Variants in PPP1R3E observed in about 807,000 individuals in gnomAD.
The protein encoded by PPP1R3E is protein phosphatase 1, regulatory (inhibitor) subunit 3E.
A neutral mutation model predicts 18.5 loss-of-function variants in PPP1R3E; 20 were observed. That is an observed-to-expected ratio of 1.08 (90% CI 0.76 to 1.58). The LOEUF (loss-of-function observed/expected upper bound fraction) is 1.58. Among genes scored for constraint, PPP1R3E ranks in the 40% most tolerant of loss-of-function variants. The probability of loss-of-function intolerance (pLI) is 0.00; values close to 1 mark genes in which losing one functional copy is unlikely to be tolerated. For synonymous variants in PPP1R3E, 208 were observed against 208.1 expected, an observed-to-expected ratio of 1.00 and a Z score of 0.00; for missense variants, 498 against 460.2, an observed-to-expected ratio of 1.08 and a Z score of -0.75.
Position 23,297,041 on chromosome 14 carries a change from G to C in PPP1R3E, c.*2263C>G, listed in dbSNP as rs1005798087. ...AGGAAGACACCTGCAGTCTGGATGA[G>C]AGGAATGGGCAACAGTGTCCCTGCT... On this transcript the variant is annotated 3_prime_UTR_variant, in exon 5 of 5. Transcript: ENST00000452015. 3.3e-5 allele frequency: 5 copies of C among 152,350 alleles called. No individual in the cohort carries two copies. The South Asian group carries it at 6.2e-4, about 19-fold the overall frequency. The allele number at this position is 152,350 out of a possible 1,614,324, so 9.4% of individuals were successfully genotyped here.
rs1391177465 is a variant in PPP1R3E, at chr14:23,300,793, AGCC to A, written c.*207_*209del. ...TCCCCAGCCAGTCCGCGGACACCGC[AGCC>A]AGGAACTGTCAGAGGTGACAAGGGA... On this transcript the variant is annotated 3_prime_UTR_variant, in exon 3 of 5. Transcript: ENST00000452015. 1 of 152,284 alleles carries A rather than the reference AGCC, an allele frequency of 6.6e-6. No homozygotes were observed. Among genetic ancestry groups the A allele is most frequent in the Non-Finnish European group, 1.5e-5 (1 of 68,078 alleles). 9.4% of individuals were successfully genotyped at this position (152,284 alleles called of 1,614,324 possible).
chr14:23,302,091 C>T (rs553772942), intron 1 of PPP1R3E, 69 bp downstream of exon 1: 3 of 1,364,712 alleles, frequency 2.2e-6, no homozygotes, highest in South Asian at 1.6e-5. Context: ...TTTGGCAAAT[C>T]CACTCCCACA....
In PPP1R3E at chr14:23,301,622, G is replaced by T; in HGVS notation, c.654C>A (p.Ala218=). The change falls in exon 2 of 5, where the codon GCC becomes GCA. Residue 218 remains alanine, a synonymous_variant. Coordinates refer to ENST00000452015, the MANE Select transcript of PPP1R3E (RefSeq NM_001276318.2). ...YAGPAPPPPR[A]DRFAFRLPAP... ...CGGGCAGGCGGAAGGCGAAGCGGTCGGCGCGCGGCGGGGGCGGGGCCGGAC... is the reference window on the plus strand; with the variant it reads ...CGGGCAGGCGGAAGGCGAAGCGGTCTGCGCGCGGCGGGGGCGGGGCCGGAC... 2 of 1,399,774 alleles carry T rather than the reference G, an allele frequency of 1.4e-6. No homozygotes were observed. The highest frequency in any genetic ancestry group is 1.9e-6 in the Non-Finnish European group (2 of 1,077,926). 86.7% of individuals were successfully genotyped at this position (1,399,774 alleles called of 1,614,324 possible).
Position 23,302,544 on chromosome 14 carries a change from A to C in PPP1R3E, c.33T>G (p.Ile11Met). 4 of 1,487,766 alleles carry C rather than the reference A, an allele frequency of 2.7e-6. No homozygotes were observed. The highest frequency in any genetic ancestry group is 3.5e-6 in the Non-Finnish European group (4 of 1,127,488). 92.2% of individuals were successfully genotyped at this position (1,487,766 alleles called of 1,614,324 possible). A position where few individuals can be genotyped will look rare whatever the true frequency, so the allele number is the denominator to read the frequency against. MSRERPPGTDIPRNLSFIAAL... is the reference protein window; with the variant it reads MSRERPPGTDMPRNLSFIAAL... ...CGGCGATGAAGCTCAGGTTGCGGGG[A>C]ATGTCGGTGCCCGGGGGCCGCTCAC... is the stretch of plus-strand genomic sequence containing the variant. Residue 11 changes from isoleucine (I) to methionine (M), a missense_variant, in exon 1 of 5, where the codon ATT becomes ATG. Ile to Met is a conservative substitution (Grantham distance 10, BLOSUM62 1). Coordinates refer to ENST00000452015, the MANE Select transcript of PPP1R3E (RefSeq NM_001276318.2).
rs1887081172 is a variant in PPP1R3E at position 23,302,658 on chromosome 14, C to A, written c.-82G>T. ...CTCTCTCCCGCCCGCCCCGCGTCAG[C>A]GCAGAAGTCGCTGGGTCCGCTTCTG... On this transcript the variant is annotated 5_prime_UTR_variant, in exon 1 of 5. Coordinates refer to ENST00000452015, the MANE Select transcript of PPP1R3E (RefSeq NM_001276318.2). 4 of 1,343,822 alleles carry A rather than the reference C, an allele frequency of 3.0e-6. No homozygotes were observed. In the East Asian group the frequency reaches 1.2e-4, roughly 41 times the overall value. 83.2% of individuals were successfully genotyped at this position (1,343,822 alleles called of 1,614,324 possible).
In PPP1R3E at chr14:23,302,413, G is replaced by T; in HGVS notation, c.164C>A (p.Ala55Asp). 6.7e-7 allele frequency: 1 copy of T among 1,494,184 alleles called. No individual in the cohort carries two copies. The highest frequency in any genetic ancestry group is 8.8e-7 in the Non-Finnish European group (1 of 1,131,982). The allele number at this position is 1,494,184 out of a possible 1,614,324, so 92.6% of individuals were successfully genotyped here. The change falls in exon 1 of 5, where the codon GCT becomes GAT. Residue 55 changes from alanine to aspartate, a missense_variant. By Grantham distance (126) the Ala-to-Asp change is moderately radical (BLOSUM62 -2). Transcript: ENST00000452015. ...CCGGCGGCCCCGACTCGGTGCGTGAGCGCGGGATCGGGCCCCGAACCGCGT... is the reference window on the plus strand; with the variant it reads ...CCGGCGGCCCCGACTCGGTGCGTGATCGCGGGATCGGGCCCCGAACCGCGT... Reference protein sequence around the residue: ...GGTRFGARSRAHAPSRGRRAR... With the variant: ...GGTRFGARSRDHAPSRGRRAR...
chr14:23,299,723 A>G (rs573558906), intron 3 of PPP1R3E, 182 bp from the exon 4 acceptor site: 1 of 152,186 alleles, frequency 6.6e-6, no homozygotes, highest in South Asian at 2.1e-4. Context: ...GGTTAGGAAT[A>G]GGGTAAGAGA....
rs1056900614 is a variant in PPP1R3E, at chr14:23,296,988, G to C, written c.*2316C>G. 3.9e-5 allele frequency: 6 copies of C among 152,216 alleles called. No individual in the cohort carries two copies. The highest frequency in any genetic ancestry group is 3.9e-4 in the Admixed American group (6 of 15,286). The allele number at this position is 152,216 out of a possible 1,614,324, so 9.4% of individuals were successfully genotyped here. On this transcript the variant is annotated 3_prime_UTR_variant, in exon 5 of 5. Coordinates refer to ENST00000452015, the MANE Select transcript of PPP1R3E (RefSeq NM_001276318.2). Reference sequence around the variant, plus strand: ...AAGAAAAACAAACAAACAAAAAACAGGACGGAGGCTATGGGACAGGGAGGT... The same window carrying C: ...AAGAAAAACAAACAAACAAAAAACACGACGGAGGCTATGGGACAGGGAGGT...
Position 23,301,858 on chromosome 14 carries a change from C to A in PPP1R3E, c.418G>T (p.Glu140Ter). Residue 140 changes from glutamate (E) to a stop codon, truncating the protein, a stop_gained and splice_region_variant, in exon 2 of 5, where the codon GAG becomes TAG. Coordinates refer to ENST00000452015, the MANE Select transcript of PPP1R3E (RefSeq NM_001276318.2). LOFTEE classifies it high-confidence loss of function. ...GCCGGCTCCAGGGCGGCGCGCGCCT[C>A]CTGGGGGAAAGAAGAAGCGGGAGGA... ...PCQPRARGLQ[E>*]ARAALEPASE... The A allele has an allele frequency of 7.0e-7, 1 of 1,429,946 alleles. No individual in the cohort carries two copies. The highest frequency in any genetic ancestry group is 1.5e-5 in the African/African-American group (1 of 66,244). 88.6% of individuals were successfully genotyped at this position (1,429,946 alleles called of 1,614,324 possible).
chr14:23,299,825 T>C (rs1188318164), intron 3 of PPP1R3E, among the ~76,000 whole-genome samples: 1 of 151,852 alleles, frequency 6.6e-6, no homozygotes, highest in Non-Finnish European at 1.5e-5. Flanking sequence ...TGAGTGGGTA[T>C]GAGAGTCCAG....
chr14:23,302,549 C>T lies in PPP1R3E; in HGVS notation c.28G>A (p.Asp10Asn), dbSNP rs986340562. Residue 10 changes from aspartate (D) to asparagine (N), a missense_variant, in exon 1 of 5, where the codon GAC becomes AAC. Physicochemically the swap from Asp to Asn is conservative, Grantham distance 23 (BLOSUM62 1). Transcript: ENST00000452015. Reference sequence around the variant, plus strand: ...ATGAAGCTCAGGTTGCGGGGAATGTCGGTGCCCGGGGGCCGCTCACGGGAC... The same window carrying T: ...ATGAAGCTCAGGTTGCGGGGAATGTTGGTGCCCGGGGGCCGCTCACGGGAC... MSRERPPGT[D>N]IPRNLSFIAA... is the part of the protein sequence containing the mutation. 23 of 1,484,606 alleles carry T rather than the reference C, an allele frequency of 1.5e-5. No individual in the cohort carries two copies. In the African/African-American group the frequency reaches 2.2e-4, roughly 14 times the overall value. The allele number at this position is 1,484,606 out of a possible 1,614,324, so 92.0% of individuals were successfully genotyped here.
At chr14:23,299,931 T>TTG (rs1555325097) in intron 3 of PPP1R3E, among the ~76,000 whole-genome samples, 82 of 107,786 alleles carry the variant, frequency 7.6e-4, no homozygotes, top group East Asian at 2.7e-3. Flanking sequence ...GTTTTTGTTT[T>TTG]TTTTTTTTTT....
chr14:23,302,567 C>T lies in PPP1R3E; in HGVS notation c.10G>A (p.Glu4Lys). 2 of 1,473,522 alleles carry T rather than the reference C, an allele frequency of 1.4e-6. No individual in the cohort carries two copies. Among genetic ancestry groups the T allele is most frequent in the Non-Finnish European group, 8.9e-7 (1 of 1,120,926 alleles). The allele number at this position is 1,473,522 out of a possible 1,614,324, so 91.3% of individuals were successfully genotyped here. A position where few individuals can be genotyped will look rare whatever the true frequency, so the allele number is the denominator to read the frequency against. ...GGAATGTCGGTGCCCGGGGGCCGCT[C>T]ACGGGACATGGCAGCCCCTTCCCCG... The part of the protein sequence containing the change: MSR[E>K]RPPGTDIPRN... Residue 4 changes from glutamate (E) to lysine (K), a missense_variant, in exon 1 of 5, where the codon GAG becomes AAG. Coordinates refer to ENST00000452015, the MANE Select transcript of PPP1R3E (RefSeq NM_001276318.2).
chr14:23,302,614 A>G lies in PPP1R3E; in HGVS notation c.-38T>C. 1 of 1,399,744 alleles carries G rather than the reference A, an allele frequency of 7.1e-7. No individual in the cohort carries two copies. Among genetic ancestry groups the G allele is most frequent in the South Asian group, 1.6e-5 (1 of 63,722 alleles). The allele number at this position is 1,399,744 out of a possible 1,614,324, so 86.7% of individuals were successfully genotyped here. ...CCCGGCGGGGCCAGCTCGCAGCGCC[A>G]CCGCGCTCCCCTCTCTTCCTCTCTC... is the stretch of plus-strand genomic sequence containing the variant. On this transcript the variant is annotated 5_prime_UTR_variant, in exon 1 of 5. Coordinates refer to ENST00000452015, the MANE Select transcript of PPP1R3E (RefSeq NM_001276318.2).
In PPP1R3E at chr14:23,302,607, C is replaced by T; in HGVS notation, c.-31G>A. The T allele has an allele frequency of 7.1e-7, 1 of 1,401,548 alleles. No individual in the cohort carries two copies. The highest frequency in any genetic ancestry group is 3.4e-5 in the Admixed American group (1 of 29,054). 86.8% of individuals were successfully genotyped at this position (1,401,548 alleles called of 1,614,324 possible). On this transcript the variant is annotated 5_prime_UTR_variant, in exon 1 of 5. Transcript: ENST00000452015. The stretch of plus-strand genomic sequence containing the variant: ...CCCCTTCCCCGGCGGGGCCAGCTCG[C>T]AGCGCCACCGCGCTCCCCTCTCTTC...
rs1207415110 is a variant in PPP1R3E, at chr14:23,299,477, AG to A, written c.*309del. 6.5e-6 allele frequency: 1 copy of A among 153,816 alleles called. No homozygotes were observed. The highest frequency in any genetic ancestry group is 1.5e-5 in the Non-Finnish European group (1 of 68,214). The allele number at this position is 153,816 out of a possible 1,614,324, so 9.5% of individuals were successfully genotyped here. A position where few individuals can be genotyped will look rare whatever the true frequency, so the allele number is the denominator to read the frequency against. On this transcript the variant is annotated 3_prime_UTR_variant, in exon 4 of 5. Transcript: ENST00000452015. ...TCTCTCTTCTAGAAGACTGTCAAGG[AG>A]CCCGAGTGAGGGAAGCAGACCAACC... is the stretch of plus-strand genomic sequence containing the variant.
intron 1 of PPP1R3E, 146 bp downstream of exon 1, chr14:23,302,014 T>G (rs1887059463): frequency 8.0e-7 from 1 of 1,244,900 alleles, no homozygotes; most frequent in African/African-American, 1.6e-5. Flanking sequence ...CTAGAGCCAC[T>G]CGCAGATGGG....
At position 23,301,748 on chromosome 14, in the gene PPP1R3E, C is replaced by T. The variant is rs1566458807; in HGVS notation, c.528G>A (p.Gly176=). ...RAEAGPLGVA[G]SARVVDLAYE... ...AGGCCAGGTCCACCACGCGCGCGCT[C>T]CCGGCCACGCCCAGCGGGCCCGCCT... The change falls in exon 2 of 5, where the codon GGG becomes GGA. Residue 176 remains glycine, a synonymous_variant. Transcript: ENST00000452015. The T allele has an allele frequency of 7.1e-7, 1 of 1,417,994 alleles. No individual in the cohort carries two copies. Among genetic ancestry groups the T allele is most frequent in the Non-Finnish European group, 9.2e-7 (1 of 1,089,268 alleles). 87.8% of individuals were successfully genotyped at this position (1,417,994 alleles called of 1,614,324 possible). A position where few individuals can be genotyped will look rare whatever the true frequency, so the allele number is the denominator to read the frequency against.
chr14:23,296,614 T>C lies in PPP1R3E; in HGVS notation c.*2690A>G, dbSNP rs1198956573. 6.6e-6 allele frequency: 1 copy of C among 152,254 alleles called. No homozygotes were observed. Among genetic ancestry groups the C allele is most frequent in the African/African-American group, 2.4e-5 (1 of 41,436 alleles). 9.4% of individuals were successfully genotyped at this position (152,254 alleles called of 1,614,324 possible). A position where few individuals can be genotyped will look rare whatever the true frequency, so the allele number is the denominator to read the frequency against. ...ATGCTCCTGCCTCAGCCTCCCAAAG[T>C]GTTGCGATTACAGGTATGAACCACC... On this transcript the variant is annotated 3_prime_UTR_variant, in exon 5 of 5. Coordinates refer to ENST00000452015, the MANE Select transcript of PPP1R3E (RefSeq NM_001276318.2).
Sources: allele counts gnomAD v4.1 joint callset (sites outside exome capture counted in the v4.1 genomes callset), GRCh38; gene constraint gnomAD v4.1.1; transcripts MANE v1.5; gene names NCBI Gene and HGNC (gene_info 2026-07-23, HGNC 2026-07-21).